The following ACTR3B variants were observed in gnomAD, a reference collection of about 807,000 sequenced individuals.
ACTR3B encodes actin related protein 3B, also known as actin-related protein 3B.
A neutral mutation model predicts 59.0 loss-of-function variants in ACTR3B; 8 were observed. That is an observed-to-expected ratio of 0.14 (90% CI 0.08 to 0.24). ACTR3B has a LOEUF of 0.24. ACTR3B is among the 10% of genes least tolerant of loss of function. The pLI, the probability that ACTR3B is intolerant of heterozygous loss-of-function variation, is 1.00. For missense variants in ACTR3B, 245 were observed against 552.3 expected (o/e 0.44, Z 5.58); for synonymous variants, 148 against 197.9 (o/e 0.75, Z 2.12).
chr7:152,790,146 T>A (rs1349178437), intron 2 of ACTR3B, among the ~76,000 whole-genome samples: 1 of 151,850 alleles, frequency 6.6e-6, no homozygotes, highest in African/African-American at 2.4e-5. Flanking sequence ...ATGGGAGCCA[T>A]CATGTCTGGC....
At chr7:152,807,790 C>T (rs1348956930) in intron 4 of ACTR3B, among the ~76,000 whole-genome samples, 3 of 152,126 alleles carry the variant, frequency 2.0e-5, no homozygotes, top group African/African-American at 4.8e-5. Context: ...TCTGTTCATG[C>T]CCTGTGCTCT....
chr7:152,853,359 T>C (rs75649710), intron 10 of ACTR3B, 135 bp from the exon 11 acceptor site: 42,109 of 704,808 alleles, frequency 0.06, 1,931 homozygotes, highest in African/African-American at 0.15. Flanking sequence ...AGTCACTGAG[T>C]GCTGGGTGTG....
intron 9 of ACTR3B, among the ~76,000 whole-genome samples, chr7:152,828,508 G>C (rs904421042): frequency 1.3e-5 from 2 of 152,066 alleles, no homozygotes; most frequent in African/African-American, 4.8e-5. Flanking sequence ...TGGAGAGCAT[G>C]CCCCGAATCG....
At chr7:152,803,904 T>C (rs2098244336) in intron 4 of ACTR3B, among the ~76,000 whole-genome samples, 1 of 152,202 alleles carries the variant, frequency 6.6e-6, no homozygotes, top group African/African-American at 2.4e-5. Flanking sequence ...ATGGTAAATT[T>C]CCTTCAGGTA....
Position 152,853,373 on chromosome 7 carries a change from T to G in ACTR3B, c.1078-121T>G. The G allele has an allele frequency of 5.2e-6, 4 of 763,860 alleles. No homozygotes were observed. The Admixed American group carries it at 8.2e-5, about 16-fold the overall frequency. 47.3% of individuals were successfully genotyped at this position (763,860 alleles called of 1,614,324 possible). Reference sequence around the variant, plus strand: ...GAGTCACTGAGTGCTGGGTGTGAGGTGGTGCTCGTGCCATAAGAGGAGGGC... The same window carrying G: ...GAGTCACTGAGTGCTGGGTGTGAGGGGGTGCTCGTGCCATAAGAGGAGGGC... On this transcript the variant is annotated intron_variant, in intron 10 of 11. Coordinates refer to ENST00000256001, the MANE Select transcript of ACTR3B (RefSeq NM_020445.6).
intron 1 of ACTR3B, among the ~76,000 whole-genome samples, chr7:152,765,796 A>G (rs2098108080): frequency 6.6e-6 from 1 of 151,934 alleles, no homozygotes; most frequent in East Asian, 1.9e-4. Context: ...AGAAAAAAAA[A>G]AGTTTATTTG....
chr7:152,795,856 T>G (rs1001060341), intron 2 of ACTR3B, among the ~76,000 whole-genome samples: 50 of 151,850 alleles, frequency 3.3e-4, no homozygotes, highest in Non-Finnish European at 6.5e-4. Context: ...GTTTTTTTTT[T>G]TTTTGGAGGC....
chr7:152,844,124 C>T (rs1224799828), intron 9 of ACTR3B, among the ~76,000 whole-genome samples: 2 of 152,154 alleles, frequency 1.3e-5, no homozygotes, highest in Admixed American at 1.3e-4. Context: ...ATGGTGCCAT[C>T]TCGGCTCACT....
chr7:152,796,109 T>A (rs1168250541), intron 2 of ACTR3B, among the ~76,000 whole-genome samples: 2 of 152,210 alleles, frequency 1.3e-5, no homozygotes, highest in Non-Finnish European at 2.9e-5. Flanking sequence ...CCTCCTAAAG[T>A]GCTGGGATAA....
At chr7:152,794,418 A>G (rs2098208643) in intron 2 of ACTR3B, among the ~76,000 whole-genome samples, 2 of 152,046 alleles carry the variant, frequency 1.3e-5, no homozygotes, top group Admixed American at 6.6e-5. Context: ...TGGTTTCATC[A>G]TGTTGGCCAG....
chr7:152,818,707 C>T (rs1795911263), intron 6 of ACTR3B, among the ~76,000 whole-genome samples: 1 of 152,256 alleles, frequency 6.6e-6, no homozygotes, highest in Non-Finnish European at 1.5e-5. Flanking sequence ...TCTTGGCCTC[C>T]CAAGGTGCTG....
chr7:152,803,766 C>T (rs1299002679), intron 4 of ACTR3B, among the ~76,000 whole-genome samples: 1 of 152,114 alleles, frequency 6.6e-6, no homozygotes, highest in African/African-American at 2.4e-5. Context: ...AAAATGGGCA[C>T]CTGCAATGAA....
At chr7:152,770,702 C>G (rs2098121823) in intron 1 of ACTR3B, among the ~76,000 whole-genome samples, 1 of 150,390 alleles carries the variant, frequency 6.6e-6, no homozygotes, top group African/African-American at 2.5e-5. Context: ...TGATTGCTCA[C>G]TGTTCAGCCA....
At chr7:152,847,929 C>T (rs1798486655) in intron 9 of ACTR3B, among the ~76,000 whole-genome samples, 1 of 152,172 alleles carries the variant, frequency 6.6e-6, no homozygotes, top group African/African-American at 2.4e-5. Flanking sequence ...TCTAATGGCT[C>T]GCGGTGCAAG....
intron 9 of ACTR3B, among the ~76,000 whole-genome samples, chr7:152,834,736 G>C (rs530859697): frequency 6.6e-6 from 1 of 152,332 alleles, no homozygotes; most frequent in South Asian, 2.1e-4. Context: ...GGACATGTAT[G>C]CTTTTCTGGC....
chr7:152,820,765 G>C (rs1453091015), intron 7 of ACTR3B, among the ~76,000 whole-genome samples: 1 of 152,260 alleles, frequency 6.6e-6, no homozygotes, highest in Non-Finnish European at 1.5e-5. Flanking sequence ...CTGCCTCCAT[G>C]CTTCGCTGTA....
chr7:152,837,475 G>A (rs1184935612), intron 9 of ACTR3B, among the ~76,000 whole-genome samples: 1 of 152,198 alleles, frequency 6.6e-6, no homozygotes. Context: ...CTCAGACAAC[G>A]TTTTAATCCT....
chr7:152,779,027 A>AAC (rs1346778954), intron 1 of ACTR3B, among the ~76,000 whole-genome samples: 1 of 148,002 alleles, frequency 6.8e-6, no homozygotes, highest in Non-Finnish European at 1.5e-5. Context: ...ACCAGTATTA[A>AAC]ACTTCAGTAT....
intron 4 of ACTR3B, chr7:152,810,963 T>C (rs1795182247): frequency 1.3e-5 from 2 of 151,678 alleles, no homozygotes; most frequent in African/African-American, 4.8e-5. Flanking sequence ...TATTTAAAAA[T>C]GTATACGGAA....
Sources: gnomAD v4.1 joint callset for allele counts (sites outside exome capture counted in the v4.1 genomes callset) on GRCh38, gnomAD v4.1.1 for gene constraint, MANE v1.5 for transcripts, NCBI Gene and HGNC (gene_info 2026-07-23, HGNC 2026-07-21) for gene names.